ELMO1: variants seen among roughly 807,000 people sequenced by gnomAD.
ELMO1 encodes engulfment and cell motility protein 1.
In ELMO1, 26 loss-of-function variants were observed where a neutral mutation model predicts 98.9. The ratio of observed to expected loss-of-function variants is 0.26; its 90% CI spans 0.19 to 0.36. The LOEUF (loss-of-function observed/expected upper bound fraction) is 0.36. Ranked by LOEUF, ELMO1 falls within the 10% of genes least tolerant of loss-of-function variation. ELMO1 has a pLI of 1.00. For missense variants in ELMO1, 627 were observed against 935.2 expected (o/e 0.67, Z 4.30); for synonymous variants, 346 against 346.0 (o/e 1.00, Z 0.00).
At chr7:37,192,970 GATATATATATATATATATATAT>G (rs374892700) in intron 13 of ELMO1, among the ~76,000 whole-genome samples, 5 of 40,098 alleles carry the variant, frequency 1.2e-4, no homozygotes, top group African/African-American at 3.2e-4. Context: ...ATATATAGGA[GATATATATATATATATATATAT>G]ATATATATAT....
intron 1 of ELMO1, among the ~76,000 whole-genome samples, chr7:37,380,088 T>C (rs1171449090): frequency 6.6e-6 from 1 of 152,200 alleles, no homozygotes; most frequent in Non-Finnish European, 1.5e-5. Context: ...GTGACTCTTG[T>C]GTAGTATGAA....
intron 1 of ELMO1, among the ~76,000 whole-genome samples, chr7:37,392,960 G>A (rs1182627807): frequency 6.6e-6 from 1 of 152,176 alleles, no homozygotes; most frequent in Non-Finnish European, 1.5e-5. Context: ...TGCTGAGAAA[G>A]GATGCAGGTT....
At chr7:37,203,010 A>C (rs1218627157) in intron 13 of ELMO1, among the ~76,000 whole-genome samples, 1 of 152,048 alleles carries the variant, frequency 6.6e-6, no homozygotes, top group Non-Finnish European at 1.5e-5. Flanking sequence ...CAGTAGCAGA[A>C]ACAACCCCTC....
intron 16 of ELMO1, among the ~76,000 whole-genome samples, chr7:36,909,230 T>C (rs1293351522): frequency 6.6e-6 from 1 of 152,214 alleles, no homozygotes; most frequent in African/African-American, 2.4e-5. Context: ...GAGTAGTAAG[T>C]AAGCACTCAA....
rs1563040769 is a variant in ELMO1 at position 37,155,503 on chromosome 7, A to AAAAATAAAAAAAT, written c.1087-22270_1087-22269insATTTTTTTATTTT. ...AACGGAAAGCAAAAAAAAAAAAAAA[A>AAAAATAAAAAAAT]AAAAAGCAGGTGTTGCAATCCTGGT... On this transcript the variant is annotated intron_variant, in intron 13 of 21. Coordinates refer to ENST00000310758, the MANE Select transcript of ELMO1 (RefSeq NM_014800.11). 7.7e-3 allele frequency among the ~76,000 whole-genome samples: 1,009 copies of AAAAATAAAAAAAT among 131,778 alleles called. 14 individuals carry two copies. Among genetic ancestry groups the AAAAATAAAAAAAT allele is most frequent in the African/African-American group, 0.014 (530 of 36,934 alleles). 86.5% of individuals were successfully genotyped at this position (131,778 alleles called of 152,430 possible). A position where few individuals can be genotyped will look rare whatever the true frequency, so the allele number is the denominator to read the frequency against.
intron 13 of ELMO1, among the ~76,000 whole-genome samples, chr7:37,165,657 T>C (rs188132338): frequency 1.2e-3 from 178 of 152,280 alleles, no homozygotes; most frequent in African/African-American, 4.1e-3. Flanking sequence ...TTGCGTATAT[T>C]GAACCAGCCT....
chr7:36,950,795 G>A (rs1044925460), intron 16 of ELMO1, among the ~76,000 whole-genome samples: 4 of 152,164 alleles, frequency 2.6e-5, no homozygotes, highest in African/African-American at 9.7e-5. Context: ...CTGAGGACTG[G>A]CCCATGAAGA....
At chr7:37,080,113 C>T (rs1797784594) in intron 15 of ELMO1, among the ~76,000 whole-genome samples, 1 of 152,176 alleles carries the variant, frequency 6.6e-6, no homozygotes, top group African/African-American at 2.4e-5. Context: ...TTCCCCACTC[C>T]ACATCCAATC....
intron 6 of ELMO1, among the ~76,000 whole-genome samples, chr7:37,254,834 C>T (rs1430103616): frequency 1.3e-5 from 2 of 152,126 alleles, no homozygotes; most frequent in Non-Finnish European, 2.9e-5. Flanking sequence ...GTTGCTTTAG[C>T]TCACATAAAG....
At chr7:37,013,923 T>C (rs1384058543) in intron 15 of ELMO1, among the ~76,000 whole-genome samples, 1 of 152,228 alleles carries the variant, frequency 6.6e-6, no homozygotes, top group Non-Finnish European at 1.5e-5. Flanking sequence ...GAGGCTCTTT[T>C]CTCTCTCATG....
At chr7:37,261,453 T>C (rs1795970925) in intron 5 of ELMO1, among the ~76,000 whole-genome samples, 1 of 152,200 alleles carries the variant, frequency 6.6e-6, no homozygotes, top group Non-Finnish European at 1.5e-5. Flanking sequence ...TCTAAAGGTC[T>C]GGGGTGGGGT....
At chr7:36,981,418 C>A (rs114435209) in intron 16 of ELMO1, among the ~76,000 whole-genome samples, 1 of 151,718 alleles carries the variant, frequency 6.6e-6, no homozygotes, top group Non-Finnish European at 1.5e-5. Flanking sequence ...ATTGAAGGCA[C>A]GGATTTGAAG....
chr7:36,988,861 A>G (rs2129150001), intron 16 of ELMO1, among the ~76,000 whole-genome samples: 1 of 152,344 alleles, frequency 6.6e-6, no homozygotes, highest in African/African-American at 2.4e-5. Flanking sequence ...TTATCCTACA[A>G]GCAATGACAA....
chr7:37,341,859 T>G (rs192872767), intron 2 of ELMO1, among the ~76,000 whole-genome samples: 230 of 152,332 alleles, frequency 1.5e-3, no homozygotes, highest in African/African-American at 4.9e-3. Flanking sequence ...GGTCTCAACC[T>G]TTTATTCCTT....
intron 15 of ELMO1, among the ~76,000 whole-genome samples, chr7:37,057,998 C>G (rs1468933592): frequency 1.3e-5 from 2 of 152,166 alleles, no homozygotes; most frequent in African/African-American, 4.8e-5. Flanking sequence ...GACTTGGTTA[C>G]AGAAAAAGGT....
At chr7:37,109,900 C>T (rs1215317856) in intron 14 of ELMO1, among the ~76,000 whole-genome samples, 1 of 152,194 alleles carries the variant, frequency 6.6e-6, no homozygotes, top group East Asian at 1.9e-4. Context: ...CTCTTAATTC[C>T]TCAACAATGG....
rs555623129 is a variant in ELMO1 at position 37,166,155 on chromosome 7, G to C, written c.1087-32921C>G. ...GTGTTTGTAGTAATCTCTGATGGTA[G>C]TTTGTATTTCTGTGGGATTGGTGGT... On this transcript the variant is annotated intron_variant, in intron 13 of 21. Transcript: ENST00000310758. Among the ~76,000 whole-genome samples, 173 of 152,290 alleles carry C rather than the reference G, an allele frequency of 1.1e-3. 1 individual carries two copies. The highest frequency in any genetic ancestry group is 9.7e-4 in the East Asian group (5 of 5,180).
At chr7:36,887,762 CAAG>C in intron 17 of ELMO1, 90 bp from the exon 18 acceptor site, 1 of 1,130,092 alleles carries the variant, frequency 8.8e-7, no homozygotes, top group Middle Eastern at 2.0e-4. Context: ...CAGGGGAGAA[CAAG>C]TGCATCTTTT....
At chr7:36,983,048 CT>C (rs1791205779) in intron 16 of ELMO1, among the ~76,000 whole-genome samples, 1 of 152,256 alleles carries the variant, frequency 6.6e-6, no homozygotes, top group Non-Finnish European at 1.5e-5. Flanking sequence ...AACTGGCTGC[CT>C]GGTTGTTCCT....
Sources: gnomAD v4.1 joint callset for allele counts (sites outside exome capture counted in the v4.1 genomes callset) on GRCh38, gnomAD v4.1.1 for gene constraint, MANE v1.5 for transcripts, NCBI Gene and HGNC (gene_info 2026-07-23, HGNC 2026-07-21) for gene names.